Variants in TNRC18 observed in about 807,000 individuals in gnomAD.
TNRC18 encodes the protein trinucleotide repeat containing 18.
Under a neutral mutation model 226.7 loss-of-function variants are expected in TNRC18, and 69 were observed. The observed-to-expected ratio is 0.30, with a 90% confidence interval of 0.25 to 0.37. The LOEUF (loss-of-function observed/expected upper bound fraction) is 0.37, where lower values mean the gene tolerates loss of function less well. Ranked by LOEUF, TNRC18 falls within the 10% of genes least tolerant of loss-of-function variation. The pLI, the probability that TNRC18 is intolerant of heterozygous loss-of-function variation, is 1.00. For missense variants in TNRC18, 4,754 were observed against 4,256.6 expected (o/e 1.12, Z -3.25); for synonymous variants, 2,449 against 1,927.6 (o/e 1.27, Z -7.09).
intron 5 of TNRC18, among the ~76,000 whole-genome samples, chr7:5,385,413 G>A (rs1162876158): frequency 2.7e-5 from 4 of 149,266 alleles, no homozygotes; most frequent in South Asian, 2.1e-4. Context: ...GCGTGAACCC[G>A]GGAAGCGGAG....
Position 5,308,317 on chromosome 7 carries a change from G to A in TNRC18, c.8701-5C>T, listed in dbSNP as rs532939555. On this transcript the variant is annotated splice_region_variant and splice_polypyrimidine_tract_variant and intron_variant, in intron 29 of 29. Transcript: ENST00000430969. The stretch of plus-strand genomic sequence containing the variant: ...CGAGGACTGGTATAGCGCGCGCTGC[G>A]GGCACGCGGGGATATCAGGATGGCA... The A allele has an allele frequency of 1.3e-4, 208 of 1,605,948 alleles. 1 individual carries two copies. Among genetic ancestry groups the A allele is most frequent in the South Asian group, 4.8e-4 (43 of 89,612 alleles).
In TNRC18 at chr7:5,325,078, G is replaced by C. The variant is rs572024676; in HGVS notation, c.6300+18C>G. The C allele has an allele frequency of 3.2e-5, 50 of 1,549,252 alleles. No individual in the cohort carries two copies. The highest frequency in any genetic ancestry group is 1.4e-4 in the Admixed American group (7 of 50,902). On this transcript the variant is annotated intron_variant, in intron 20 of 29. Transcript: ENST00000430969. ...CTGAGCCCCCCACAGCCCCCAACCA[G>C]GGCACGGTGAGCCTCACCTCCTTCT...
Position 5,388,116 on chromosome 7 carries a change from C to G in TNRC18, c.1708G>C (p.Ala570Pro), listed in dbSNP as rs978741082. 4 of 1,553,068 alleles carry G rather than the reference C, an allele frequency of 2.6e-6. No individual in the cohort carries two copies. In the African/African-American group the frequency reaches 5.5e-5, roughly 21 times the overall value. Reference protein sequence around the residue: ...RSAATCGRPVADMHSAAHGSG... With the variant: ...RSAATCGRPVPDMHSAAHGSG... Reference sequence around the variant, plus strand: ...CCGTGGGCCGCAGAGTGCATGTCAGCGACCGGCCGGCCGCAGGTGGCCGCC... The same window carrying G: ...CCGTGGGCCGCAGAGTGCATGTCAGGGACCGGCCGGCCGCAGGTGGCCGCC... The change falls in exon 5 of 30, where the codon GCT (alanine) becomes CCT (proline). Residue 570 changes from alanine (A) to proline (P), a missense_variant. Ala to Pro is a conservative substitution (Grantham distance 27, BLOSUM62 -1). Transcript: ENST00000430969.
Position 5,307,824 on chromosome 7 carries a change from G to A in TNRC18, c.*282C>T. 4.1e-6 allele frequency: 2 copies of A among 492,550 alleles called. No individual in the cohort carries two copies. The highest frequency in any genetic ancestry group is 4.2e-5 in the South Asian group (2 of 47,388). The allele number at this position is 492,550 out of a possible 1,614,324, so 30.5% of individuals were successfully genotyped here. ...CTGGCCAAGTGCTTGCAACGTGCTG[G>A]GCAGGAAGGGCCGGTCCGGCCATAC... On this transcript the variant is annotated 3_prime_UTR_variant, in exon 30 of 30. Transcript: ENST00000430969.
chr7:5,348,639 A>T (rs1476863340), intron 17 of TNRC18, among the ~76,000 whole-genome samples: 1 of 139,140 alleles, frequency 7.2e-6, no homozygotes, highest in Admixed American at 7.0e-5. Context: ...AGGAGTCCGC[A>T]GAGGAGTAGA....
intron 18 of TNRC18, 145 bp from the exon 19 acceptor site, chr7:5,333,194 C>T: frequency 1.0e-6 from 1 of 983,894 alleles, no homozygotes; most frequent in Non-Finnish European, 1.5e-6. Context: ...GAAACTGAGG[C>T]CCAGAGGAGA....
intron 2 of TNRC18, among the ~76,000 whole-genome samples, chr7:5,398,601 G>A (rs920230565): frequency 3.3e-5 from 5 of 151,198 alleles, no homozygotes; most frequent in South Asian, 2.1e-4. Context: ...TTACAGGCAT[G>A]AGCCACCGTG....
intron 2 of TNRC18, among the ~76,000 whole-genome samples, chr7:5,401,227 C>CGGGGGG (rs201235774): frequency 3.6e-5 from 1 of 28,134 alleles, no homozygotes; most frequent in Non-Finnish European, 6.2e-5. Flanking sequence ...TGGTTCGAGT[C>CGGGGGG]GGGGGGGGGC....
intron 2 of TNRC18, among the ~76,000 whole-genome samples, chr7:5,396,569 C>G (rs1238623113): frequency 6.6e-6 from 1 of 152,140 alleles, no homozygotes; most frequent in East Asian, 1.9e-4. Context: ...GGCACCCATT[C>G]GCTAAAAGCT....
At chr7:5,330,815 A>C (rs1789451005) in intron 19 of TNRC18, among the ~76,000 whole-genome samples, 1 of 152,098 alleles carries the variant, frequency 6.6e-6, no homozygotes, top group African/African-American at 2.4e-5. Flanking sequence ...CTGGGATTAC[A>C]GGCACCCGCC....
chr7:5,351,786 C>A (rs1208982678), intron 17 of TNRC18, 33 bp downstream of exon 17: 1 of 1,539,736 alleles, frequency 6.5e-7, no homozygotes, highest in African/African-American at 1.4e-5. Flanking sequence ...CGCTAGGAAA[C>A]ACGGAAGGTA....
intron 2 of TNRC18, among the ~76,000 whole-genome samples, chr7:5,408,926 G>A (rs937713554): frequency 9.9e-5 from 15 of 152,230 alleles, no homozygotes; most frequent in African/African-American, 3.6e-4. Context: ...CAGGACTAGG[G>A]TGTGGACCAA....
intron 5 of TNRC18, among the ~76,000 whole-genome samples, chr7:5,385,982 CAAAAAAAAAAAA>C (rs1160231238): frequency 7.0e-4 from 29 of 41,526 alleles, no homozygotes; most frequent in Non-Finnish European, 1.2e-3. Flanking sequence ...AAGTCTGTCT[CAAAAAAAAAAAA>C]AAAAAAAAAA....
intron 2 of TNRC18, among the ~76,000 whole-genome samples, chr7:5,406,890 AAAG>A (rs1157566708): frequency 1.3e-5 from 2 of 152,034 alleles, no homozygotes; most frequent in Non-Finnish European, 1.5e-5. Flanking sequence ...AAAGAAAAGA[AAAG>A]AAGAGCCAAG....
chr7:5,315,083 C>A lies in TNRC18; in HGVS notation c.6928G>T (p.Asp2310Tyr). 6.2e-7 allele frequency: 1 copy of A among 1,612,820 alleles called. No individual in the cohort carries two copies. The highest frequency in any genetic ancestry group is 8.5e-7 in the Non-Finnish European group (1 of 1,179,572). The change falls in exon 26 of 30, where the codon GAC becomes TAC. Residue 2310 changes from aspartate (D) to tyrosine (Y), a missense_variant. Asp to Tyr is a radical substitution (Grantham distance 160). Transcript: ENST00000430969. Reference sequence around the variant, plus strand: ...CCACCATCTTTGCCCTCCCCAGTGTCTTTGCTGGTCTTCCGGCTGCGGCGC... The same window carrying A: ...CCACCATCTTTGCCCTCCCCAGTGTATTTGCTGGTCTTCCGGCTGCGGCGC... ...AKRRSRKTSKDTGEGKDGGTA... is the reference protein window; with the variant it reads ...AKRRSRKTSKYTGEGKDGGTA...
At chr7:5,361,833 G>A in intron 13 of TNRC18, 64 bp downstream of exon 13, 4 of 1,509,534 alleles carry the variant, frequency 2.6e-6, no homozygotes, top group South Asian at 2.5e-5. Context: ...GACGGCTGCT[G>A]CGCGCCTGGG....
rs145469203 is a variant in TNRC18, at chr7:5,386,618, C to T, written c.2152+1054G>A. 2.8e-3 allele frequency among the ~76,000 whole-genome samples: 421 copies of T among 150,920 alleles called. 5 individuals are homozygous for T. Among genetic ancestry groups the T allele is most frequent in the African/African-American group, 9.3e-3 (384 of 41,102 alleles). On this transcript the variant is annotated intron_variant, in intron 5 of 29. Coordinates refer to ENST00000430969, the MANE Select transcript of TNRC18 (RefSeq NM_001080495.3). ...AGAAAAAATTAGTCGGGCGTGGTGG[C>T]GCATACCTGCGGTCCCAGCTACTTG...
At chr7:5,420,260 CAGCTCGATGTG>C (rs1562649026) in intron 2 of TNRC18, 1 of 383,696 alleles carries the variant, frequency 2.6e-6, no homozygotes, top group Non-Finnish European at 5.2e-6. Flanking sequence ...CCTCCTCCAG[CAGCTCGATGTG>C]AGACCCAGGG....
At chr7:5,315,229 A>G in intron 25 of TNRC18, 81 bp from the exon 26 acceptor site, 1 of 1,458,552 alleles carries the variant, frequency 6.9e-7, no homozygotes, top group South Asian at 1.4e-5. Context: ...TGTCCCGGGG[A>G]TCAGGGATGG....
Sources: gnomAD v4.1 joint callset for allele counts (sites outside exome capture counted in the v4.1 genomes callset) on GRCh38, gnomAD v4.1.1 for gene constraint, MANE v1.5 for transcripts, NCBI Gene and HGNC (gene_info 2026-07-23, HGNC 2026-07-21) for gene names.